Variants in ARHGAP6 observed in about 807,000 individuals in gnomAD.
ARHGAP6 encodes the protein rho GTPase-activating protein 6.
ARHGAP6 carries 16 observed loss-of-function variants against 55.7 expected under a neutral mutation model. The observed-to-expected ratio is 0.29, with a 90% CI of 0.19 to 0.44. The LOEUF (loss-of-function observed/expected upper bound fraction) is 0.44. Among genes scored for constraint, ARHGAP6 ranks in the 20% least tolerant of loss-of-function variants. The pLI is 1.00. For missense variants in ARHGAP6, 698 were observed against 808.9 expected (o/e 0.86, Z 1.66); for synonymous variants, 382 against 360.9 (o/e 1.06, Z -0.66).
chrX:11,258,230 G>A (rs1294730569), intron 1 of ARHGAP6, among the ~76,000 whole-genome samples: 6 of 111,012 alleles, frequency 5.4e-5, no homozygotes, highest in Admixed American at 4.9e-4. Flanking sequence ...AAAAGACTCC[G>A]TGCTAAGTGG....
chrX:11,633,478 A>G (rs1364730458), intron 1 of ARHGAP6, among the ~76,000 whole-genome samples: 1 of 111,540 alleles, frequency 9.0e-6, no homozygotes, highest in East Asian at 2.8e-4. Flanking sequence ...ACCTGCCATG[A>G]TGGGTCATTT....
chrX:11,189,132 G>C (rs2072125), intron 3 of ARHGAP6, 148 bp from the exon 4 acceptor site: 149,274 of 706,950 alleles, frequency 0.21, 11,972 homozygotes, highest in Middle Eastern at 0.27. Flanking sequence ...TGACATTTGT[G>C]TTAATCAGAA....
rs1196766765 is a variant in ARHGAP6, at chrX:11,179,289, C to T, written c.1480+13G>A. ...TCCAGGGCCACTTTCCCACATATGG[C>T]TGTATTACGCACAGAGAGTGTTGAT... On this transcript the variant is annotated intron_variant, in intron 7 of 12. Coordinates refer to ENST00000337414, the MANE Select transcript of ARHGAP6 (RefSeq NM_013427.3). 2 of 1,181,950 alleles carry T rather than the reference C, an allele frequency of 1.7e-6. No homozygotes were observed. The highest frequency in any genetic ancestry group is 2.3e-6 in the Non-Finnish European group (2 of 879,521).
intron 10 of ARHGAP6, among the ~76,000 whole-genome samples, chrX:11,146,881 A>C (rs1339411352): frequency 8.9e-6 from 1 of 111,776 alleles, no homozygotes; most frequent in African/African-American, 3.3e-5. Context: ...ATATTTCCCT[A>C]TCATTTTATT....
intron 1 of ARHGAP6, among the ~76,000 whole-genome samples, chrX:11,534,577 G>A (rs746391985): frequency 2.7e-5 from 3 of 109,582 alleles, no homozygotes; most frequent in South Asian, 8.4e-4. Context: ...CTGTCTTCTC[G>A]GGGGCAAAAT....
At chrX:11,182,245 C>A in intron 5 of ARHGAP6, 127 bp from the exon 6 acceptor site, 1 of 439,396 alleles carries the variant, frequency 2.3e-6, no homozygotes. Flanking sequence ...TGACAGCATA[C>A]AGTAATGCTT....
chrX:11,270,711 A>T (rs2047682578), intron 1 of ARHGAP6, among the ~76,000 whole-genome samples: 1 of 111,710 alleles, frequency 9.0e-6, no homozygotes. Context: ...CGGTAAACGG[A>T]GGCTCTACCT....
chrX:11,525,520 A>T (rs1216187700), intron 1 of ARHGAP6, among the ~76,000 whole-genome samples: 1 of 112,229 alleles, frequency 8.9e-6, no homozygotes, highest in Non-Finnish European at 1.9e-5. Flanking sequence ...CAGAGGTGTT[A>T]CACACCATGC....
intron 1 of ARHGAP6, among the ~76,000 whole-genome samples, chrX:11,448,201 C>A (rs1285737878): frequency 8.9e-6 from 1 of 112,427 alleles, no homozygotes; most frequent in Non-Finnish European, 1.9e-5. Flanking sequence ...TCTTTGAGCA[C>A]AGCCTCCAAT....
intron 12 of ARHGAP6, among the ~76,000 whole-genome samples, chrX:11,140,050 G>A (rs1310227077): frequency 9.0e-6 from 1 of 111,203 alleles, no homozygotes; most frequent in Admixed American, 9.5e-5. Flanking sequence ...AGGAAAGGCT[G>A]ACTTGGTGAT....
rs775314087 is a variant in ARHGAP6 at position 11,481,159 on chromosome X, T to G, written c.588+183082A>C. Among the ~76,000 whole-genome samples, 5 of 111,158 alleles carry G rather than the reference T, an allele frequency of 4.5e-5. No homozygotes were observed. In the South Asian group the frequency reaches 1.9e-3, roughly 43 times the overall value. ...ATTTTTTTTCCTCTCCCTCTAATATTTTCATGGTGATACTAACTAGAGGCT... is the reference window on the plus strand; with the variant it reads ...ATTTTTTTTCCTCTCCCTCTAATATGTTCATGGTGATACTAACTAGAGGCT... On this transcript the variant is annotated intron_variant, in intron 1 of 12. Transcript: ENST00000337414.
Position 11,427,707 on chromosome X carries a change from C to T in ARHGAP6, c.589-173000G>A, listed in dbSNP as rs775794334. 1.7e-5 allele frequency: 14 copies of T among 804,223 alleles called. No individual in the cohort carries two copies. In the East Asian group the frequency reaches 5.8e-4, roughly 33 times the overall value. The allele number at this position is 804,223 out of a possible 1,213,427, so 66.3% of individuals were successfully genotyped here. A position where few individuals can be genotyped will look rare whatever the true frequency, so the allele number is the denominator to read the frequency against. On this transcript the variant is annotated intron_variant, in intron 1 of 12. Coordinates refer to ENST00000337414, the MANE Select transcript of ARHGAP6 (RefSeq NM_013427.3). ...GGGCAGCCCCTGGGCGCGAGCCCTG[C>T]TCCGTGCGTGCCGAGTGCTGTGCAA...
At chrX:11,285,183 A>C (rs2047906195) in intron 1 of ARHGAP6, among the ~76,000 whole-genome samples, 1 of 93,677 alleles carries the variant, frequency 1.1e-5, no homozygotes, top group Admixed American at 1.1e-4. Context: ...TTTTTTTTCC[A>C]AACATTTTGC....
chrX:11,428,973 C>A (rs867058819), intron 1 of ARHGAP6, among the ~76,000 whole-genome samples: 1 of 111,265 alleles, frequency 9.0e-6, no homozygotes. Flanking sequence ...GCAAATTCCA[C>A]CCCTAGATAT....
At chrX:11,144,364 CA>C in intron 10 of ARHGAP6, 116 bp from the exon 11 acceptor site, 2 of 977,864 alleles carry the variant, frequency 2.0e-6, no homozygotes, top group African/African-American at 3.8e-5. Flanking sequence ...CGGGCTGAAA[CA>C]AAAAGACCAT....
intron 1 of ARHGAP6, chrX:11,367,950 C>A (rs1354163133): frequency 6.8e-6 from 1 of 146,915 alleles, no homozygotes; most frequent in Non-Finnish European, 1.2e-5. Flanking sequence ...TGCCTTCAAC[C>A]AATTCTGCAC....
At chrX:11,358,159 A>T (rs957707412) in intron 1 of ARHGAP6, among the ~76,000 whole-genome samples, 1 of 111,868 alleles carries the variant, frequency 8.9e-6, no homozygotes, top group African/African-American at 3.3e-5. Flanking sequence ...TTGGGTCTGG[A>T]TTCTTTACTT....
At chrX:11,619,961 A>ATT (rs1555896630) in intron 1 of ARHGAP6, among the ~76,000 whole-genome samples, 1 of 112,075 alleles carries the variant, frequency 8.9e-6, no homozygotes, top group Non-Finnish European at 1.9e-5. Flanking sequence ...CCTCTGTATT[A>ATT]TAACTAACTA....
chrX:11,618,273 T>C, intron 1 of ARHGAP6, among the ~76,000 whole-genome samples: 1 of 111,960 alleles, frequency 8.9e-6, no homozygotes. Flanking sequence ...TCTCCAGAAC[T>C]GTAAGATAAC....
Sources: gnomAD v4.1 joint callset for allele counts (sites outside exome capture counted in the v4.1 genomes callset) on GRCh38, gnomAD v4.1.1 for gene constraint, MANE v1.5 for transcripts, NCBI Gene and HGNC (gene_info 2026-07-23, HGNC 2026-07-21) for gene names.